ITPR2: variants seen among roughly 807,000 people sequenced by gnomAD.
ITPR2 encodes the protein inositol 1,4,5-trisphosphate receptor type 2.
A neutral mutation model predicts 317.1 loss-of-function variants in ITPR2; 207 were observed. That is an observed-to-expected ratio of 0.65 (90% CI 0.58 to 0.73). The LOEUF (loss-of-function observed/expected upper bound fraction) is 0.73. Among genes scored for constraint, ITPR2 ranks in the 30% least tolerant of loss-of-function variants. The probability of loss-of-function intolerance (pLI) is 0.00; values close to 1 mark genes in which losing one functional copy is unlikely to be tolerated. For synonymous variants in ITPR2, 1,156 were observed against 1,149.1 expected (o/e 1.01, Z -0.12); for missense variants, 2,613 against 3,284.0 (o/e 0.80, Z 4.99).
chr12:26,516,896 AAGAC>A (rs1341352761), intron 37 of ITPR2, among the ~76,000 whole-genome samples: 2 of 152,108 alleles, frequency 1.3e-5, no homozygotes, highest in African/African-American at 2.4e-5. Context: ...AAAGAAAAAA[AAGAC>A]AGTGAATGGA....
At chr12:26,461,111 C>T (rs954317006) in intron 45 of ITPR2, among the ~76,000 whole-genome samples, 1 of 152,138 alleles carries the variant, frequency 6.6e-6, no homozygotes, top group African/African-American at 2.4e-5. Flanking sequence ...GAGAAAGAAC[C>T]TCTGGAGTGT....
chr12:26,752,424 G>T (rs542427803), intron 2 of ITPR2, among the ~76,000 whole-genome samples: 98 of 152,322 alleles, frequency 6.4e-4, no homozygotes, highest in African/African-American at 2.3e-3. Context: ...CAGTAAAGAA[G>T]CTGGCTAAAA....
At chr12:26,460,873 C>T (rs914385856) in intron 45 of ITPR2, among the ~76,000 whole-genome samples, 7 of 152,164 alleles carry the variant, frequency 4.6e-5, no homozygotes, top group African/African-American at 1.7e-4. Context: ...TGCCCTCCGA[C>T]CTGGATGCCT....
At chr12:26,820,673 C>T (rs1198099533) in intron 1 of ITPR2, among the ~76,000 whole-genome samples, 1 of 152,096 alleles carries the variant, frequency 6.6e-6, no homozygotes, top group Admixed American at 6.5e-5. Context: ...AAATCTTGTA[C>T]ATAAATATTC....
At chr12:26,778,183 T>C (rs1179339619) in intron 2 of ITPR2, among the ~76,000 whole-genome samples, 1 of 152,122 alleles carries the variant, frequency 6.6e-6, no homozygotes, top group Non-Finnish European at 1.5e-5. Flanking sequence ...AGGACTACTG[T>C]GGTGGGAAAG....
rs1411372348 is a variant in ITPR2 at position 26,436,262 on chromosome 12, G to T, written c.6728C>A (p.Ala2243Asp). The T allele has an allele frequency of 5.0e-6, 8 of 1,612,830 alleles. No homozygotes were observed. The highest frequency in any genetic ancestry group is 6.8e-6 in the Non-Finnish European group (8 of 1,179,482). Reference sequence around the variant, plus strand: ...CCCAAATGGGTAGAAGAGAGCAACAGCTAAATTGATGAACACAGCCAGGTT... The same window carrying T: ...CCCAAATGGGTAGAAGAGAGCAACATCTAAATTGATGAACACAGCCAGGTT... ...SFNLAVFINL[A>D]VALFYPFGDD... Residue 2243 changes from alanine to aspartate, a missense_variant, in exon 48 of 57, where the codon GCT becomes GAT. Ala to Asp is a moderately radical substitution (Grantham distance 126, BLOSUM62 -2). Transcript: ENST00000381340.
At chr12:26,564,141 A>G (rs1030894772) in intron 34 of ITPR2, among the ~76,000 whole-genome samples, 4 of 152,230 alleles carry the variant, frequency 2.6e-5, no homozygotes, top group African/African-American at 9.6e-5. Context: ...TGATAGAAAC[A>G]CAATTGGTAA....
At chr12:26,794,172 T>G (rs57748001) in intron 1 of ITPR2, among the ~76,000 whole-genome samples, 4,062 of 152,304 alleles carry the variant, frequency 0.027, 190 homozygotes, top group African/African-American at 0.089. Context: ...GAAAATTTAA[T>G]AGCTACTTTG....
intron 45 of ITPR2, among the ~76,000 whole-genome samples, chr12:26,445,449 C>T (rs186367538): frequency 6.6e-6 from 1 of 152,038 alleles, no homozygotes; most frequent in Non-Finnish European, 1.5e-5. Context: ...CTCCATGGAA[C>T]TCCAATATAG....
intron 5 of ITPR2, among the ~76,000 whole-genome samples, chr12:26,719,422 A>T (rs1948795293): frequency 2.0e-5 from 3 of 152,294 alleles, no homozygotes; most frequent in South Asian, 4.1e-4. Context: ...TTCCAAAAGC[A>T]CTTCTGTTGA....
chr12:26,646,781 G>A (rs1947123084), intron 21 of ITPR2, among the ~76,000 whole-genome samples: 1 of 152,020 alleles, frequency 6.6e-6, no homozygotes, highest in South Asian at 2.1e-4. Flanking sequence ...CAAATAAATG[G>A]AATTCTCCAT....
chr12:26,566,035 GAGA>G (rs977266503), intron 34 of ITPR2, among the ~76,000 whole-genome samples: 1 of 132,622 alleles, frequency 7.5e-6, no homozygotes, highest in Non-Finnish European at 1.6e-5. Flanking sequence ...GAGAGGAAAG[GAGA>G]AGGAGAGGAG....
Position 26,725,785 on chromosome 12 carries a change from A to C in ITPR2, c.164-20T>G. ...GGCAGTCTGTGACAAACCAACATAC[A>C]AAAACACTGTAACTAAGGCTACTAG... On this transcript the variant is annotated intron_variant, in intron 2 of 56. Transcript: ENST00000381340. 8 of 1,482,664 alleles carry C rather than the reference A, an allele frequency of 5.4e-6. No homozygotes were observed. The highest frequency in any genetic ancestry group is 7.5e-6 in the Non-Finnish European group (8 of 1,061,250). 91.8% of individuals were successfully genotyped at this position (1,482,664 alleles called of 1,614,324 possible).
chr12:26,750,150 C>A (rs974929729), intron 2 of ITPR2, among the ~76,000 whole-genome samples: 5 of 152,196 alleles, frequency 3.3e-5, no homozygotes, highest in Admixed American at 1.3e-4. Context: ...AGAAAATATT[C>A]ACCATGATGC....
At chr12:26,529,891 A>G (rs1422117961) in intron 37 of ITPR2, among the ~76,000 whole-genome samples, 3 of 152,240 alleles carry the variant, frequency 2.0e-5, no homozygotes, top group African/African-American at 2.4e-5. Context: ...AAGCTCCAAT[A>G]TAAGAATGGA....
chr12:26,569,332 T>C (rs1945092998), intron 34 of ITPR2, among the ~76,000 whole-genome samples: 1 of 151,976 alleles, frequency 6.6e-6, no homozygotes, highest in Non-Finnish European at 1.5e-5. Context: ...GGCGGGTGGA[T>C]TGATTGAGCC....
At chr12:26,810,550 G>A (rs1411265499) in intron 1 of ITPR2, among the ~76,000 whole-genome samples, 1 of 152,188 alleles carries the variant, frequency 6.6e-6, no homozygotes, top group Non-Finnish European at 1.5e-5. Context: ...GGCAGTCCAG[G>A]GCTGTCGCTG....
chr12:26,562,237 A>C (rs571111418), intron 34 of ITPR2, among the ~76,000 whole-genome samples: 4 of 152,346 alleles, frequency 2.6e-5, no homozygotes, highest in African/African-American at 4.8e-5. Flanking sequence ...ACTGTATAAC[A>C]ACCAGCATAT....
At chr12:26,676,120 T>C (rs1189736885) in intron 13 of ITPR2, among the ~76,000 whole-genome samples, 4 of 151,994 alleles carry the variant, frequency 2.6e-5, no homozygotes, top group Non-Finnish European at 5.9e-5. Flanking sequence ...ATCGTGCCAC[T>C]GCACTCCAGC....
Sources: gnomAD v4.1 joint callset for allele counts (sites outside exome capture counted in the v4.1 genomes callset) on GRCh38, gnomAD v4.1.1 for gene constraint, MANE v1.5 for transcripts, NCBI Gene and HGNC (gene_info 2026-07-23, HGNC 2026-07-21) for gene names.